The following MAP4K5 variants were observed in gnomAD, a reference collection of about 807,000 sequenced individuals.
MAP4K5 encodes MAPK/ERK kinase kinase kinase 5.
In MAP4K5, 82 loss-of-function variants were observed where a neutral mutation model predicts 135.6. The observed-to-expected ratio is 0.60, with a 90% CI of 0.51 to 0.73. The LOEUF is 0.73. MAP4K5 is among the 30% of genes least tolerant of loss of function. MAP4K5 has a pLI of 0.00. For synonymous variants in MAP4K5, 347 were observed against 335.0 expected (o/e 1.04, Z -0.39); for missense variants, 907 against 1,010.9 (o/e 0.90, Z 1.39).
chr14:50,508,288 T>C (rs1384736228), intron 2 of MAP4K5, among the ~76,000 whole-genome samples: 1 of 152,134 alleles, frequency 6.6e-6, no homozygotes, highest in East Asian at 1.9e-4. Flanking sequence ...TGTGGCACTA[T>C]TCACAATAGC....
chr14:50,433,363 G>A (rs931802714), intron 28 of MAP4K5, among the ~76,000 whole-genome samples: 1 of 152,136 alleles, frequency 6.6e-6, no homozygotes, highest in African/African-American at 2.4e-5. Flanking sequence ...GGCTTGTACT[G>A]AGTTAAACTT....
At chr14:50,522,191 CA>C (rs954245412) in intron 2 of MAP4K5, among the ~76,000 whole-genome samples, 8 of 151,868 alleles carry the variant, frequency 5.3e-5, no homozygotes, top group Non-Finnish European at 1.2e-4. Flanking sequence ...CCTATGTAAA[CA>C]AAGAACTAGA....
intron 14 of MAP4K5, among the ~76,000 whole-genome samples, chr14:50,453,711 G>A (rs9323188): frequency 0.96 from 146,347 of 152,206 alleles, 70,612 homozygotes; most frequent in East Asian, 1. Flanking sequence ...CTTTAACAGC[G>A]GAGACCTGAT....
At chr14:50,456,462 C>T (rs1413503843) in intron 14 of MAP4K5, 54 bp downstream of exon 14, 5 of 1,240,394 alleles carry the variant, frequency 4.0e-6, no homozygotes. Flanking sequence ...CATACAAGAA[C>T]ACGCAGCACA....
In MAP4K5 at chr14:50,456,224, T is replaced by C; in HGVS notation, c.1015+292A>G. 1.1e-5 allele frequency: 4 copies of C among 353,386 alleles called. No homozygotes were observed. In the South Asian group the frequency reaches 1.4e-4, roughly 12 times the overall value. The allele number at this position is 353,386 out of a possible 1,614,324, so 21.9% of individuals were successfully genotyped here. A position where few individuals can be genotyped will look rare whatever the true frequency, so the allele number is the denominator to read the frequency against. The stretch of plus-strand genomic sequence containing the variant: ...AAGAAATGTGGCAAAATATTAACTA[T>C]GGGTTGGCTCTGGGTGATGTGATTG... On this transcript the variant is annotated intron_variant, in intron 14 of 32. Transcript: ENST00000682126.
intron 5 of MAP4K5, among the ~76,000 whole-genome samples, chr14:50,484,824 A>C (rs1215132177): frequency 6.6e-6 from 1 of 152,152 alleles, no homozygotes; most frequent in African/African-American, 2.4e-5. Flanking sequence ...GCATGACTGA[A>C]ATTTGGTAAG....
intron 23 of MAP4K5, 89 bp downstream of exon 23, chr14:50,439,924 A>G (rs1021658497): frequency 2.4e-6 from 3 of 1,237,892 alleles, no homozygotes; most frequent in Admixed American, 3.1e-5. Flanking sequence ...ATAGTCATCC[A>G]GAATTACAAA....
chr14:50,487,894 A>G (rs2037401535), intron 3 of MAP4K5, among the ~76,000 whole-genome samples: 1 of 152,148 alleles, frequency 6.6e-6, no homozygotes, highest in South Asian at 2.1e-4. Context: ...TACGCATGCT[A>G]ATTTCCCTCA....
chr14:50,525,440 T>A (rs891055574), intron 2 of MAP4K5, among the ~76,000 whole-genome samples: 3 of 152,218 alleles, frequency 2.0e-5, no homozygotes, highest in African/African-American at 7.2e-5. Flanking sequence ...AAATTTAGTC[T>A]TGCATAAACT....
intron 3 of MAP4K5, among the ~76,000 whole-genome samples, chr14:50,496,845 TA>T (rs746802799): frequency 2.4e-4 from 36 of 151,742 alleles, no homozygotes; most frequent in Non-Finnish European, 4.4e-4. Flanking sequence ...AAAATAAAAA[TA>T]AAAACTTTTA....
intron 17 of MAP4K5, 111 bp from the exon 18 acceptor site, chr14:50,445,305 G>A: frequency 1.2e-6 from 1 of 864,480 alleles, no homozygotes; most frequent in Non-Finnish European, 1.7e-6. Flanking sequence ...CAATTCACTG[G>A]GCTAAGTGAG....
chr14:50,462,709 C>T lies in MAP4K5; in HGVS notation c.892G>A (p.Asp298Asn). ...GCTTCAGTGTAATGTGCGTGGTTAT[C>T]TGGATTGTTCACTTTGTCTAACAGT... is the stretch of plus-strand genomic sequence containing the variant. ...VELLDKVNNP[D>N]NHAHYTEADD... Residue 298 changes from aspartate (D) to asparagine (N), a missense_variant, in exon 13 of 33, where the codon GAT (aspartate) becomes AAT (asparagine). This residue lies in a region of MAP4K5 where 690 missense variants were observed against 777.4 expected (regional missense o/e 0.89). Transcript: ENST00000682126. The T allele has an allele frequency of 6.2e-7, 1 of 1,604,994 alleles. No homozygotes were observed. The highest frequency in any genetic ancestry group is 8.5e-7 in the Non-Finnish European group (1 of 1,177,524).
In MAP4K5 at chr14:50,475,165, A is replaced by C. The variant is rs774468141; in HGVS notation, c.470-16T>G. ...CCAAAGTCAGCTAGTGAGGAAAAAA[A>C]CAGAAAATTTTAGTTCTTTACAATA... On this transcript the variant is annotated splice_polypyrimidine_tract_variant and intron_variant, in intron 8 of 32. Coordinates refer to ENST00000682126, the MANE Select transcript of MAP4K5 (RefSeq NM_006575.6). The C allele has an allele frequency of 2.0e-4, 323 of 1,611,476 alleles. 1 individual carries two copies. The highest frequency in any genetic ancestry group is 2.6e-4 in the Non-Finnish European group (309 of 1,177,846).
chr14:50,530,837 T>C (rs5024719), intron 2 of MAP4K5, among the ~76,000 whole-genome samples: 137,709 of 152,184 alleles, frequency 0.9, 63,836 homozygotes, highest in East Asian at 1. Context: ...TGTTTGATAA[T>C]ACCACTACCT....
Position 50,475,167 on chromosome 14 carries a change from A to G in MAP4K5, c.470-18T>C. On this transcript the variant is annotated intron_variant, in intron 8 of 32. Coordinates refer to ENST00000682126, the MANE Select transcript of MAP4K5 (RefSeq NM_006575.6). Reference sequence around the variant, plus strand: ...AAAGTCAGCTAGTGAGGAAAAAAACAGAAAATTTTAGTTCTTTACAATACA... The same window carrying G: ...AAAGTCAGCTAGTGAGGAAAAAAACGGAAAATTTTAGTTCTTTACAATACA... The G allele has an allele frequency of 1.2e-6, 2 of 1,604,926 alleles. No homozygotes were observed. Among genetic ancestry groups the G allele is most frequent in the South Asian group, 1.1e-5 (1 of 90,804 alleles).
intron 28 of MAP4K5, among the ~76,000 whole-genome samples, chr14:50,432,556 C>CAAAAAAAAAAAAAAAAAAAAAAAAA (rs56267301): frequency 1.4e-5 from 2 of 139,922 alleles, no homozygotes; most frequent in African/African-American, 3.0e-5. Flanking sequence ...ACAAAACTCT[C>CAAAAAAAAAAAAAAAAAAAAAAAAA]AAAAAAAAAA....
chr14:50,544,221 C>T (rs2038599460), intron 1 of MAP4K5, among the ~76,000 whole-genome samples: 1 of 152,156 alleles, frequency 6.6e-6, no homozygotes, highest in South Asian at 2.1e-4. Context: ...GTGACCCCAC[C>T]AGATGAGGTA....
chr14:50,498,502 C>T (rs956436712), intron 3 of MAP4K5, among the ~76,000 whole-genome samples: 7 of 152,118 alleles, frequency 4.6e-5, no homozygotes, highest in African/African-American at 1.7e-4. Flanking sequence ...AATTAATAAA[C>T]GCGATTTTCT....
Position 50,532,060 on chromosome 14 carries a change from G to A in MAP4K5, c.-11C>T, listed in dbSNP as rs543307259. 3 of 1,525,780 alleles carry A rather than the reference G, an allele frequency of 2.0e-6. No homozygotes were observed. Among genetic ancestry groups the A allele is most frequent in the Non-Finnish European group, 2.7e-6 (3 of 1,124,678 alleles). The allele number at this position is 1,525,780 out of a possible 1,614,324, so 94.5% of individuals were successfully genotyped here. On this transcript the variant is annotated 5_prime_UTR_variant, in exon 2 of 33. Transcript: ENST00000682126. ...CAGCGGGGCCTCCATCTTCACTTAG[G>A]GCCCGGCCCCCGCCAGCTCACCCCG... is the stretch of plus-strand genomic sequence containing the variant.
Sources: allele counts gnomAD v4.1 joint callset (sites outside exome capture counted in the v4.1 genomes callset), GRCh38; gene constraint gnomAD v4.1.1; regional missense constraint gnomAD v4.1.1; transcripts MANE v1.5; gene names NCBI Gene and HGNC (gene_info 2026-07-23, HGNC 2026-07-21).